The following BACH2 variants were observed in gnomAD, a reference collection of about 807,000 sequenced individuals.
The protein encoded by BACH2 is transcription regulator protein BACH2.
In BACH2, 5 loss-of-function variants were observed where a neutral mutation model predicts 61.8. That is an observed-to-expected ratio of 0.08 (90% CI 0.04 to 0.17). The LOEUF (loss-of-function observed/expected upper bound fraction) is 0.17. BACH2 is among the 10% of genes least tolerant of loss of function. BACH2 has a pLI of 1.00. For missense variants in BACH2, 824 were observed against 1,091.1 expected, an observed-to-expected ratio of 0.76 and a Z score of 3.45; for synonymous variants, 446 against 440.1, an observed-to-expected ratio of 1.01 and a Z score of -0.17.
Position 90,060,449 on chromosome 6 carries a change from T to A in BACH2, c.-13+28512A>T, listed in dbSNP as rs979261246. On this transcript the variant is annotated intron_variant, in intron 5 of 8. Transcript: ENST00000257749. The stretch of plus-strand genomic sequence containing the variant: ...TTATCCACTAAATTTTTTGATAATT[T>A]TTTTTTATTACTGAAGGTTTTCTTT... Among the ~76,000 whole-genome samples, 3 of 152,210 alleles carry A rather than the reference T, an allele frequency of 2.0e-5. 1 individual carries two copies. Among genetic ancestry groups the A allele is most frequent in the African/African-American group, 7.2e-5 (3 of 41,458 alleles).
chr6:89,970,345 C>A (rs1775290169), intron 6 of BACH2, among the ~76,000 whole-genome samples: 1 of 152,176 alleles, frequency 6.6e-6, no homozygotes, highest in African/African-American at 2.4e-5. Flanking sequence ...TCTTGGCGGG[C>A]AGAGCATACA....
At chr6:90,233,770 C>T (rs909810950) in intron 3 of BACH2, among the ~76,000 whole-genome samples, 5 of 152,090 alleles carry the variant, frequency 3.3e-5, no homozygotes, top group African/African-American at 9.7e-5. Flanking sequence ...CTCTCCTGAC[C>T]CCATCCACAG....
Position 89,951,494 on chromosome 6 carries a change from T to G in BACH2, c.612A>C (p.Glu204Asp). The G allele has an allele frequency of 6.2e-7, 1 of 1,614,234 alleles. No individual in the cohort carries two copies. The highest frequency in any genetic ancestry group is 1.1e-5 in the South Asian group (1 of 91,090). The change falls in exon 7 of 9, where the codon GAA (glutamate) becomes GAC (aspartate). Residue 204 changes from glutamate (E) to aspartate (D), a missense_variant. Coordinates refer to ENST00000257749, the MANE Select transcript of BACH2 (RefSeq NM_021813.4). This position sits in a 1 kb window ranked among gnomAD's most constrained non-coding sequence, Gnocchi z 6.4. ...GCACGTCAGGCTCGGGCAGCAGGGC[T>G]TCTTCCTTCTCTGCTACGGGGATGG... is the stretch of plus-strand genomic sequence containing the variant. ...AAAIPVAEKE[E>D]ALLPEPDVPT...
At chr6:90,167,681 C>T (rs974913835) in intron 4 of BACH2, among the ~76,000 whole-genome samples, 2 of 152,194 alleles carry the variant, frequency 1.3e-5, no homozygotes, top group African/African-American at 4.8e-5. Flanking sequence ...CCTCTGACTT[C>T]AGCTGGAGCT....
chr6:90,121,515 GC>G (rs1297940766), intron 4 of BACH2, among the ~76,000 whole-genome samples: 1 of 152,010 alleles, frequency 6.6e-6, no homozygotes, highest in African/African-American at 2.4e-5. Flanking sequence ...CTATCTTGGA[GC>G]AAAAAGCCTT....
At chr6:89,938,099 CCTGGTCACTTCAGGTTG>C (rs1234410804) in intron 8 of BACH2, 28 bp downstream of exon 8, 1 of 1,565,282 alleles carries the variant, frequency 6.4e-7, no homozygotes, top group Admixed American at 1.7e-5. Flanking sequence ...TTACATTAGT[CCTGGTCACTTCAGGTTG>C]CTGATCACAA....
chr6:90,028,796 T>C (rs1208062963), intron 5 of BACH2, among the ~76,000 whole-genome samples: 4 of 152,224 alleles, frequency 2.6e-5, no homozygotes, highest in African/African-American at 9.6e-5. Context: ...TGGCTTTGAA[T>C]TCTGACTCTG....
At chr6:90,158,825 C>A (rs1187753249) in intron 4 of BACH2, among the ~76,000 whole-genome samples, 1 of 151,734 alleles carries the variant, frequency 6.6e-6, no homozygotes, top group Non-Finnish European at 1.5e-5. Context: ...AGGGAAAGTG[C>A]CACAAAGTCC....
intron 5 of BACH2, among the ~76,000 whole-genome samples, chr6:90,074,569 G>A (rs146489989): frequency 4.0e-4 from 61 of 152,280 alleles, no homozygotes; most frequent in African/African-American, 1.4e-3. Context: ...TGCAAAAACA[G>A]AAGTACTTAA....
At chr6:90,261,240 A>T (rs1486762975) in intron 2 of BACH2, among the ~76,000 whole-genome samples, 2 of 152,126 alleles carry the variant, frequency 1.3e-5, no homozygotes, top group African/African-American at 4.8e-5. Flanking sequence ...TAATCTTGCC[A>T]TGTGTTCTAG....
chr6:89,960,810 T>C (rs1774700519), intron 6 of BACH2, among the ~76,000 whole-genome samples: 1 of 152,240 alleles, frequency 6.6e-6, no homozygotes, highest in Admixed American at 6.5e-5. Flanking sequence ...GGCAGTCGGA[T>C]GAAGCTGATG....
intron 4 of BACH2, among the ~76,000 whole-genome samples, chr6:90,198,270 G>GT (rs1324065196): frequency 3.3e-5 from 5 of 152,110 alleles, no homozygotes; most frequent in African/African-American, 1.2e-4. Context: ...CACAGCTCCC[G>GT]TGTGTCCAGA....
intron 4 of BACH2, among the ~76,000 whole-genome samples, chr6:90,183,128 G>A (rs894385560): frequency 5.9e-5 from 9 of 152,150 alleles, no homozygotes; most frequent in East Asian, 1.9e-4. Flanking sequence ...GTGTGTGCAC[G>A]GAAGGCCTCT....
chr6:90,233,560 C>G (rs80186458), intron 3 of BACH2, among the ~76,000 whole-genome samples: 1 of 152,134 alleles, frequency 6.6e-6, no homozygotes, highest in African/African-American at 2.4e-5. Context: ...GTCTCAGGTA[C>G]CTCGCCTGAC....
At chr6:89,995,846 A>C (rs188819667) in intron 6 of BACH2, among the ~76,000 whole-genome samples, 13 of 152,326 alleles carry the variant, frequency 8.5e-5, no homozygotes, top group Admixed American at 5.2e-4. Context: ...ATACCCCTTA[A>C]AAGGTAATTT....
intron 4 of BACH2, among the ~76,000 whole-genome samples, chr6:90,114,622 T>G (rs1301228745): frequency 1.3e-5 from 2 of 152,134 alleles, no homozygotes; most frequent in Non-Finnish European, 2.9e-5. Context: ...AAGGGTGCCC[T>G]CTCTCACCAC....
rs554736790 is a variant in BACH2, at chr6:90,102,248, A to C, written c.-161-13139T>G. Among the ~76,000 whole-genome samples, 7 of 152,228 alleles carry C rather than the reference A, an allele frequency of 4.6e-5. No individual in the cohort carries two copies. The South Asian group carries it at 1.5e-3, about 32-fold the overall frequency. On this transcript the variant is annotated intron_variant, in intron 4 of 8. Coordinates refer to ENST00000257749, the MANE Select transcript of BACH2 (RefSeq NM_021813.4). The stretch of plus-strand genomic sequence containing the variant: ...TGGTGGCATTCCTACTGCTGCTGAC[A>C]GCCCATATAATGATTTGAAAAGTTC...
chr6:90,046,492 C>T (rs898901427), intron 5 of BACH2, among the ~76,000 whole-genome samples: 1 of 152,204 alleles, frequency 6.6e-6, no homozygotes, highest in African/African-American at 2.4e-5. Context: ...TCCCTAACTG[C>T]ATTCTCCCTT....
intron 4 of BACH2, among the ~76,000 whole-genome samples, chr6:90,176,110 C>T (rs930377601): frequency 6.6e-6 from 1 of 152,222 alleles, no homozygotes; most frequent in Non-Finnish European, 1.5e-5. Flanking sequence ...CATGTGGTGA[C>T]ACGCCTCTAT....
Sources: gnomAD v4.1 joint callset for allele counts (sites outside exome capture counted in the v4.1 genomes callset) on GRCh38, gnomAD v4.1.1 for gene constraint, Gnocchi (gnomAD v3.1) non-coding constraint, MANE v1.5 for transcripts, NCBI Gene and HGNC (gene_info 2026-07-23, HGNC 2026-07-21) for gene names.